The following KRTDAP variants were observed in gnomAD, a reference collection of about 807,000 sequenced individuals.
KRTDAP encodes keratinocyte differentiation-associated protein.
In KRTDAP, 14 loss-of-function variants were observed where a neutral mutation model predicts 18.6. That is an observed-to-expected ratio of 0.75 (90% CI 0.50 to 1.18). KRTDAP has a LOEUF of 1.18. KRTDAP is among the 50% of genes most tolerant of loss of function. The pLI is 0.00. For synonymous variants in KRTDAP, 53 were observed against 49.5 expected, an observed-to-expected ratio of 1.07 and a Z score of -0.29; for missense variants, 114 against 121.3, an observed-to-expected ratio of 0.94 and a Z score of 0.28.
rs370316247 is a variant in KRTDAP, at chr19:35,487,679, G to A, written c.261+33C>T. ...CTTCTGCTTCTTCCCTTACCCCCAAGCTCCATACCCTCCTAATGCCCACAC... is the reference window on the plus strand; with the variant it reads ...CTTCTGCTTCTTCCCTTACCCCCAAACTCCATACCCTCCTAATGCCCACAC... On this transcript the variant is annotated intron_variant, in intron 5 of 5. Coordinates refer to ENST00000338897, the MANE Select transcript of KRTDAP (RefSeq NM_207392.3). The A allele has an allele frequency of 1.9e-6, 3 of 1,582,538 alleles. No homozygotes were observed. The African/African-American group carries it at 4.0e-5, about 21-fold the overall frequency.
rs2067499028 is a variant in KRTDAP, at chr19:35,487,705, C to T, written c.261+7G>A. On this transcript the variant is annotated splice_region_variant and intron_variant, in intron 5 of 5. Transcript: ENST00000338897. ...CTCCATACCCTCCTAATGCCCACACCTCTTACCTTAGGAAAGGCATCCCAG... is the reference window on the plus strand; with the variant it reads ...CTCCATACCCTCCTAATGCCCACACTTCTTACCTTAGGAAAGGCATCCCAG... The T allele has an allele frequency of 2.5e-6, 4 of 1,610,814 alleles. No individual in the cohort carries two copies. The highest frequency in any genetic ancestry group is 2.7e-5 in the African/African-American group (2 of 74,950).
chr19:35,487,784 G>C (rs1355359983), intron 4 of KRTDAP, 25 bp from the exon 5 acceptor site: 1 of 1,586,006 alleles, frequency 6.3e-7, no homozygotes, highest in Non-Finnish European at 8.7e-7. Context: ...GAGAAAGAGA[G>C]TGATGTGTTG....
chr19:35,488,452 C>T lies in KRTDAP; in HGVS notation c.202G>A (p.Ala68Thr), dbSNP rs141811528. The change falls in exon 4 of 6, where the codon GCC (alanine) becomes ACC (threonine). Residue 68 changes from alanine to threonine, a missense_variant. By Grantham distance (58) the Ala-to-Thr change is moderately conservative. Transcript: ENST00000338897. The part of the protein sequence containing the change: ...FKADEFLNWH[A>T]LFESIKRKLP... ...GCCGGAGCACTCACCTCAAAGAGGGCGTGCCAGTTCAGGAACTCATCAGCC... is the reference window on the plus strand; with the variant it reads ...GCCGGAGCACTCACCTCAAAGAGGGTGTGCCAGTTCAGGAACTCATCAGCC... 3.5e-5 allele frequency: 56 copies of T among 1,612,728 alleles called. No homozygotes were observed. The highest frequency in any genetic ancestry group is 4.6e-5 in the Non-Finnish European group (54 of 1,179,596).
At chr19:35,487,840 C>T in intron 4 of KRTDAP, 81 bp from the exon 5 acceptor site, 2 of 816,358 alleles carry the variant, frequency 2.4e-6, no homozygotes, top group Non-Finnish European at 4.3e-6. Flanking sequence ...TAATGAACTC[C>T]CACAGTAACC....
rs1159654323 is a variant in KRTDAP at position 35,488,466 on chromosome 19, A to T, written c.188T>A (p.Phe63Tyr). ...KLRSAFKADE[F>Y]LNWHALFESI... ...CTCAAAGAGGGCGTGCCAGTTCAGG[A>T]ACTCATCAGCCTTAAACGCCTGAGG... The change falls in exon 4 of 6, where the codon TTC becomes TAC. Residue 63 changes from phenylalanine to tyrosine, a missense_variant. Physicochemically the swap from Phe to Tyr is conservative, Grantham distance 22. Transcript: ENST00000338897. 1 of 1,613,434 alleles carries T rather than the reference A, an allele frequency of 6.2e-7. No homozygotes were observed.
chr19:35,490,410 G>A lies in KRTDAP; in HGVS notation c.33C>T (p.Leu11=), dbSNP rs1371256303. 5.6e-6 allele frequency: 9 copies of A among 1,613,848 alleles called. No individual in the cohort carries two copies. Among genetic ancestry groups the A allele is most frequent in the Admixed American group, 1.7e-5 (1 of 60,014 alleles). ...CAGAGTGGAGCACCAGGAGGGAGAGGAGCACCACGGCAGGAAGGACCGGGA... is the reference window on the plus strand; with the variant it reads ...CAGAGTGGAGCACCAGGAGGGAGAGAAGCACCACGGCAGGAAGGACCGGGA... The part of the protein sequence containing the change: MKIPVLPAVV[L]LSLLVLHSAQ... Residue 11 remains leucine, a synonymous_variant, in exon 1 of 6, where the codon CTC becomes CTT. Transcript: ENST00000338897.
intron 4 of KRTDAP, among the ~76,000 whole-genome samples, 176 bp downstream of exon 4, chr19:35,488,265 C>A (rs1029473902): frequency 1.3e-5 from 2 of 152,236 alleles, no homozygotes; most frequent in African/African-American, 4.8e-5. Flanking sequence ...GTAGCCAGGA[C>A]TGGCGCCGGG....
chr19:35,490,315 G>A (rs1396848067), intron 1 of KRTDAP, 41 bp downstream of exon 1: 1 of 1,295,968 alleles, frequency 7.7e-7, no homozygotes, highest in Non-Finnish European at 1.1e-6. Context: ...GGGGTAGGTG[G>A]GTAACACGTA....
In KRTDAP at chr19:35,488,829, G is replaced by A. The variant is rs775572232; in HGVS notation, c.99C>T (p.Thr33=). ...ATLGGPEEES[T]IENYASRPEA... ...CGGGTCGTGACGCATAATTCTCAAT[G>A]GTGCTTTCTTCCTGGAAAAGGAGAG... Residue 33 remains threonine, a synonymous_variant, in exon 2 of 6, where the codon ACC becomes ACT. Transcript: ENST00000338897. 6.2e-7 allele frequency: 1 copy of A among 1,614,080 alleles called. No homozygotes were observed. The highest frequency in any genetic ancestry group is 8.5e-7 in the Non-Finnish European group (1 of 1,180,024).
chr19:35,490,376 C>T lies in KRTDAP; in HGVS notation c.67G>A (p.Ala23Thr). 6.2e-7 allele frequency: 1 copy of T among 1,612,722 alleles called. No homozygotes were observed. Among genetic ancestry groups the T allele is most frequent in the Non-Finnish European group, 8.5e-7 (1 of 1,179,244 alleles). ...SLLVLHSAQG[A>T]TLGGPEEEST... The stretch of plus-strand genomic sequence containing the variant: ...CTCACCTCAGGACCACCCAGGGTGG[C>T]TCCCTGGGCAGAGTGGAGCACCAGG... The change falls in exon 1 of 6, where the codon GCC becomes ACC. Residue 23 changes from alanine to threonine, a missense_variant. By Grantham distance (58) the Ala-to-Thr change is moderately conservative. Transcript: ENST00000338897.
At position 35,488,723 on chromosome 19, in the gene KRTDAP, GT is replaced by G; in HGVS notation, c.127-21del. ...AAAGGCCTAGGCAGAAACGCAGGGT[GT>G]TAGGAAAGTTGCTAAGAAGCAAAAA... On this transcript the variant is annotated intron_variant, in intron 2 of 5. Transcript: ENST00000338897. 3 of 1,614,198 alleles carry G rather than the reference GT, an allele frequency of 1.9e-6. No individual in the cohort carries two copies. The highest frequency in any genetic ancestry group is 2.5e-6 in the Non-Finnish European group (3 of 1,180,016).
chr19:35,488,895 T>G, intron 1 of KRTDAP, 55 bp from the exon 2 acceptor site: 3 of 1,518,592 alleles, frequency 2.0e-6, no homozygotes, highest in Non-Finnish European at 2.7e-6. Context: ...CCAGGGCCCT[T>G]GCCCACATCC....
At position 35,490,391 on chromosome 19, in the gene KRTDAP, G is replaced by A; in HGVS notation, c.52C>T (p.His18Tyr). Reference sequence around the variant, plus strand: ...CCCAGGGTGGCTCCCTGGGCAGAGTGGAGCACCAGGAGGGAGAGGAGCACC... The same window carrying A: ...CCCAGGGTGGCTCCCTGGGCAGAGTAGAGCACCAGGAGGGAGAGGAGCACC... ...AVVLLSLLVL[H>Y]SAQGATLGGP... Residue 18 changes from histidine (H) to tyrosine (Y), a missense_variant, in exon 1 of 6, where the codon CAC (histidine) becomes TAC (tyrosine). By Grantham distance (83) the His-to-Tyr change is moderately conservative (BLOSUM62 2). Transcript: ENST00000338897. 6.2e-7 allele frequency: 1 copy of A among 1,613,672 alleles called. No homozygotes were observed.
intron 4 of KRTDAP, among the ~76,000 whole-genome samples, chr19:35,488,148 C>T (rs1275270310): frequency 1.3e-5 from 2 of 152,212 alleles, no homozygotes; most frequent in Admixed American, 6.5e-5. Flanking sequence ...TCAGTTTTTC[C>T]ATAGAGGATG....
chr19:35,490,124 C>T (rs12460886), intron 1 of KRTDAP, among the ~76,000 whole-genome samples: 21,000 of 151,938 alleles, frequency 0.14, 1,749 homozygotes, highest in East Asian at 0.23. Flanking sequence ...GTTCAGTACA[C>T]GAGCCTCCCC....
intron 1 of KRTDAP, among the ~76,000 whole-genome samples, chr19:35,489,506 GA>G (rs2067510849): frequency 6.6e-6 from 1 of 152,134 alleles, no homozygotes; most frequent in Non-Finnish European, 1.5e-5. Context: ...AGTTTCCCCT[GA>G]AAAATGTAAA....
chr19:35,488,693 G>A lies in KRTDAP; in HGVS notation c.137C>T (p.Thr46Ile), dbSNP rs760145931. 1.2e-6 allele frequency: 2 copies of A among 1,614,060 alleles called. No individual in the cohort carries two copies. The highest frequency in any genetic ancestry group is 1.7e-6 in the Non-Finnish European group (2 of 1,180,040). The change falls in exon 3 of 6, where the codon ACC (threonine) becomes ATC (isoleucine). Residue 46 changes from threonine (T) to isoleucine (I), a missense_variant. Physicochemically the swap from Thr to Ile is moderately conservative, Grantham distance 89 (BLOSUM62 -1). Transcript: ENST00000338897. ...NYASRPEAFN[T>I]PFLNIDKLRS... Reference sequence around the variant, plus strand: ...CAATTTGTCGATGTTCAGGAACGGGGTGTTAAAGGCCTAGGCAGAAACGCA... The same window carrying A: ...CAATTTGTCGATGTTCAGGAACGGGATGTTAAAGGCCTAGGCAGAAACGCA...
At chr19:35,489,669 C>T (rs913921759) in intron 1 of KRTDAP, among the ~76,000 whole-genome samples, 1 of 152,094 alleles carries the variant, frequency 6.6e-6, no homozygotes, top group Non-Finnish European at 1.5e-5. Context: ...GAGCCTGTGC[C>T]CCTGTCTTAG....
intron 1 of KRTDAP, among the ~76,000 whole-genome samples, chr19:35,489,061 G>C (rs2067508643): frequency 6.6e-6 from 1 of 152,206 alleles, no homozygotes; most frequent in Admixed American, 6.5e-5. Context: ...GTGTCACCAT[G>C]GGCAGCAGGC....
Sources: gnomAD v4.1 joint callset for allele counts (sites outside exome capture counted in the v4.1 genomes callset) on GRCh38, gnomAD v4.1.1 for gene constraint, MANE v1.5 for transcripts, NCBI Gene and HGNC (gene_info 2026-07-23, HGNC 2026-07-21) for gene names.